Variants in EBF1 observed in about 807,000 individuals in gnomAD.
EBF1 encodes EBF transcription factor 1, also known as transcription factor COE1.
In EBF1, 10 loss-of-function variants were observed where a neutral mutation model predicts 68.4. That is an observed-to-expected ratio of 0.15 (90% CI 0.09 to 0.25). The LOEUF is 0.25. EBF1 is among the 10% of genes least tolerant of loss of function. The probability of loss-of-function intolerance (pLI) is 1.00; values close to 1 mark genes in which losing one functional copy is unlikely to be tolerated. For synonymous variants in EBF1, 298 were observed against 299.8 expected (o/e 0.99, Z 0.06); for missense variants, 509 against 794.4 (o/e 0.64, Z 4.32).
intron 9 of EBF1, among the ~76,000 whole-genome samples, chr5:158,785,281 A>G (rs1469347267): frequency 6.6e-6 from 1 of 152,216 alleles, no homozygotes; most frequent in South Asian, 2.1e-4. Context: ...TGAAACATGC[A>G]TCTTTTTGGA....
chr5:159,096,114 G>C, intron 3 of EBF1: 2 of 585,392 alleles, frequency 3.4e-6, no homozygotes, highest in Non-Finnish European at 6.0e-6. Context: ...AGGGAGGGAT[G>C]AGGCACTACA....
chr5:159,096,314 T>G (rs764204553), intron 3 of EBF1, 29 bp downstream of exon 3: 21 of 1,607,284 alleles, frequency 1.3e-5, no homozygotes, highest in Non-Finnish European at 1.8e-5. Flanking sequence ...AGCCCCAGGG[T>G]GAGGCCATAG....
chr5:159,003,065 A>T (rs112341902), intron 6 of EBF1, among the ~76,000 whole-genome samples: 35 of 152,282 alleles, frequency 2.3e-4, no homozygotes, highest in African/African-American at 8.2e-4. Context: ...GAAAGGTAAG[A>T]TCTTGGTTCC....
At chr5:159,007,060 G>T (rs576186348) in intron 6 of EBF1, among the ~76,000 whole-genome samples, 2 of 152,294 alleles carry the variant, frequency 1.3e-5, no homozygotes, top group South Asian at 2.1e-4. Context: ...ATTGGAATCT[G>T]TGATAATTCA....
intron 2 of EBF1, chr5:159,096,663 C>T (rs1326201078): frequency 3.3e-6 from 2 of 607,102 alleles, no homozygotes; most frequent in Non-Finnish European, 5.8e-6. Context: ...GGCTCGTGCC[C>T]CGGCCACCAG....
intron 8 of EBF1, among the ~76,000 whole-genome samples, chr5:158,799,777 A>G (rs1285125333): frequency 1.3e-5 from 2 of 152,192 alleles, no homozygotes; most frequent in Non-Finnish European, 2.9e-5. Flanking sequence ...TGGTGACCCC[A>G]TAAAAATGCA....
chr5:158,979,197 T>C (rs889362862), intron 6 of EBF1, among the ~76,000 whole-genome samples: 1 of 152,230 alleles, frequency 6.6e-6, no homozygotes, highest in Admixed American at 6.5e-5. Context: ...GTATAAGATC[T>C]ATATGAAAGT....
intron 10 of EBF1, among the ~76,000 whole-genome samples, chr5:158,762,838 T>C (rs374750217): frequency 3.9e-5 from 6 of 152,134 alleles, no homozygotes; most frequent in African/African-American, 1.4e-4. Flanking sequence ...CCCAGCTAAT[T>C]TTTTTATGAA....
At chr5:158,729,358 T>G (rs747226968) in intron 11 of EBF1, among the ~76,000 whole-genome samples, 1 of 151,676 alleles carries the variant, frequency 6.6e-6, no homozygotes, top group Non-Finnish European at 1.5e-5. Context: ...AAATATAAAG[T>G]GAATACAGTG....
chr5:158,986,656 T>A (rs1163675449), intron 6 of EBF1, among the ~76,000 whole-genome samples: 1 of 152,190 alleles, frequency 6.6e-6, no homozygotes, highest in Non-Finnish European at 1.5e-5. Flanking sequence ...GAGGACCAAA[T>A]TAAGTTAGGA....
chr5:159,030,015 G>T (rs1185459195), intron 6 of EBF1, among the ~76,000 whole-genome samples: 2 of 150,228 alleles, frequency 1.3e-5, no homozygotes, highest in East Asian at 1.9e-4. Flanking sequence ...GTAAATAATA[G>T]TTGAAAATGA....
chr5:158,848,762 T>G (rs1191588800), intron 6 of EBF1, among the ~76,000 whole-genome samples: 1 of 152,218 alleles, frequency 6.6e-6, no homozygotes, highest in Non-Finnish European at 1.5e-5. Context: ...TAAAGCAGAT[T>G]CATTTAGAAT....
At chr5:159,006,973 T>A (rs1273412769) in intron 6 of EBF1, among the ~76,000 whole-genome samples, 1 of 152,224 alleles carries the variant, frequency 6.6e-6, no homozygotes, top group East Asian at 1.9e-4. Context: ...CACCTTCCTA[T>A]TAATGCAACA....
intron 6 of EBF1, among the ~76,000 whole-genome samples, chr5:158,878,068 T>A (rs17543640): frequency 0.33 from 49,251 of 150,970 alleles, 8,775 homozygotes; most frequent in South Asian, 0.58. Context: ...GAAGTTTAAA[T>A]CAATTTGCAA....
chr5:158,873,631 A>C (rs999346159), intron 6 of EBF1, among the ~76,000 whole-genome samples: 1 of 152,176 alleles, frequency 6.6e-6, no homozygotes, highest in African/African-American at 2.4e-5. Flanking sequence ...AAATTTTAAA[A>C]ATTTACTAAA....
chr5:158,707,796 G>A (rs943579586), intron 15 of EBF1, among the ~76,000 whole-genome samples, 183 bp downstream of exon 15: 1 of 152,268 alleles, frequency 6.6e-6, no homozygotes, highest in African/African-American at 2.4e-5. Flanking sequence ...GATGAGTATG[G>A]CCAAGGGCCA....
chr5:158,963,250 C>T (rs1051876935), intron 6 of EBF1, among the ~76,000 whole-genome samples: 1 of 152,176 alleles, frequency 6.6e-6, no homozygotes, highest in Non-Finnish European at 1.5e-5. Flanking sequence ...AGGTTCTCTA[C>T]ACACTAGAGT....
chr5:159,041,359 T>A (rs1771166576), intron 6 of EBF1, among the ~76,000 whole-genome samples: 2 of 152,196 alleles, frequency 1.3e-5, no homozygotes, highest in Non-Finnish European at 1.5e-5. Flanking sequence ...TAGAAATCTT[T>A]TAGATCACTG....
Position 158,796,359 on chromosome 5 carries a change from G to A in EBF1, c.895C>T (p.Leu299=). Residue 299 remains leucine (L), a synonymous_variant, in exon 9 of 16, where the codon CTG becomes TTG. Coordinates refer to ENST00000313708, the MANE Select transcript of EBF1 (RefSeq NM_024007.5). ...ACAACACCTACCTCACTCCAGACCA[G>A]CATGGTACCGAATATGACCTGTAAC... ...DGLQVIFGTM[L]VWSELITPHA... The A allele has an allele frequency of 6.2e-7, 1 of 1,612,806 alleles. No homozygotes were observed. The highest frequency in any genetic ancestry group is 8.5e-7 in the Non-Finnish European group (1 of 1,179,234).
Sources: allele counts gnomAD v4.1 joint callset (sites outside exome capture counted in the v4.1 genomes callset), GRCh38; gene constraint gnomAD v4.1.1; transcripts MANE v1.5; gene names NCBI Gene and HGNC (gene_info 2026-07-23, HGNC 2026-07-21).